Variants in COL5A2 observed in about 807,000 individuals in gnomAD.
COL5A2 encodes the protein collagen type V alpha 2 chain.
A neutral mutation model predicts 208.2 loss-of-function variants in COL5A2; 23 were observed. The observed-to-expected ratio is 0.11, with a 90% CI of 0.08 to 0.16. The LOEUF is 0.16. Among genes scored for constraint, COL5A2 ranks in the 10% least tolerant of loss-of-function variants. COL5A2 has a pLI of 1.00. For missense variants in COL5A2, 1,590 were observed against 1,956.4 expected (o/e 0.81, Z 3.53); for synonymous variants, 625 against 628.5 (o/e 0.99, Z 0.08).
Position 189,068,873 on chromosome 2 carries a change from A to T in COL5A2, c.1170T>A (p.Gly390=). 1 of 1,611,240 alleles carries T rather than the reference A, an allele frequency of 6.2e-7. No individual in the cohort carries two copies. Among genetic ancestry groups the T allele is most frequent in the Middle Eastern group, 1.8e-4 (1 of 5,646 alleles). ...PGNPGMKGEA[G]PTGARGPEGP... ...CTTCAGGGCCTCGCGCCCCTGTAGG[A>T]CCTGCTTCTCCCTAAAAGGGTGCAA... The change falls in exon 19 of 54, where the codon GGT becomes GGA. Residue 390 remains glycine (G), a synonymous_variant. Transcript: ENST00000374866.
chr2:189,373,588 T>G, the COL5A2 span, among the ~76,000 whole-genome samples: 10 of 152,336 alleles, frequency 6.6e-5, 1 homozygote, highest in East Asian at 1.9e-4. Flanking sequence ...TAAAGTCACT[T>G]TGTACCTTTT....
intron 8 of COL5A2, among the ~76,000 whole-genome samples, chr2:189,087,610 G>A (rs1407220553): frequency 1.3e-5 from 2 of 149,300 alleles, no homozygotes; most frequent in African/African-American, 4.9e-5. Flanking sequence ...CTGCCACCAT[G>A]CCCGGCTAAT....
the COL5A2 span, among the ~76,000 whole-genome samples, chr2:189,365,037 G>A: frequency 6.6e-6 from 1 of 152,074 alleles, no homozygotes; most frequent in Non-Finnish European, 1.5e-5. Context: ...AAGAATATAA[G>A]AAAAAATATA....
At chr2:189,157,541 T>C (rs1240567758) in intron 1 of COL5A2, among the ~76,000 whole-genome samples, 1 of 152,004 alleles carries the variant, frequency 6.6e-6, no homozygotes, top group Non-Finnish European at 1.5e-5. Flanking sequence ...TTCACTACTC[T>C]GCAAACCTGA....
At chr2:189,402,205 G>C in the COL5A2 span, among the ~76,000 whole-genome samples, 1 of 151,738 alleles carries the variant, frequency 6.6e-6, no homozygotes, top group Non-Finnish European at 1.5e-5. Flanking sequence ...TTAGGTTTTT[G>C]TTGTTGTCGT....
chr2:189,332,111 T>C, the COL5A2 span, among the ~76,000 whole-genome samples: 1 of 152,042 alleles, frequency 6.6e-6, no homozygotes, highest in African/African-American at 2.4e-5. Context: ...TAATAGTGTA[T>C]GTTACAATAA....
the COL5A2 span, among the ~76,000 whole-genome samples, chr2:189,270,364 G>A: frequency 2.0e-5 from 3 of 151,974 alleles, no homozygotes; most frequent in Non-Finnish European, 4.4e-5. Context: ...TTTCTCTTGT[G>A]GGCTATAAAT....
At chr2:189,375,476 G>A in the COL5A2 span, among the ~76,000 whole-genome samples, 12 of 152,254 alleles carry the variant, frequency 7.9e-5, no homozygotes, top group East Asian at 2.1e-3. Context: ...TCACAATGGG[G>A]ACAATGGCTG....
the COL5A2 span, among the ~76,000 whole-genome samples, chr2:189,232,775 T>C: frequency 6.6e-6 from 1 of 151,666 alleles, no homozygotes. Flanking sequence ...CTTTCTCCCA[T>C]GTAAAGACAC....
intron 1 of COL5A2, among the ~76,000 whole-genome samples, chr2:189,215,821 A>C (rs1689272266): frequency 6.6e-6 from 1 of 152,154 alleles, no homozygotes; most frequent in Non-Finnish European, 1.5e-5. Flanking sequence ...AAATTAAAAA[A>C]CTAGCTAAAG....
chr2:189,237,403 C>CA, the COL5A2 span, among the ~76,000 whole-genome samples: 86,143 of 148,716 alleles, frequency 0.58, 26,273 homozygotes, highest in East Asian at 0.72. Context: ...ACAATAACAG[C>CA]AAAAAAAAAG....
At chr2:189,178,787 A>G (rs1295372543) in intron 1 of COL5A2, among the ~76,000 whole-genome samples, 1 of 151,590 alleles carries the variant, frequency 6.6e-6, no homozygotes, top group Admixed American at 6.6e-5. Flanking sequence ...AGATATATAC[A>G]AGACATGCTG....
rs1291777565 is a variant in COL5A2 at position 189,048,089 on chromosome 2, T to G, written c.3201+120A>C. 3 of 862,226 alleles carry G rather than the reference T, an allele frequency of 3.5e-6. No individual in the cohort carries two copies. The East Asian group carries it at 7.9e-5, about 23-fold the overall frequency. The allele number at this position is 862,226 out of a possible 1,614,324, so 53.4% of individuals were successfully genotyped here. A position where few individuals can be genotyped will look rare whatever the true frequency, so the allele number is the denominator to read the frequency against. ...ATTATGGCTTTACAGAAACAGTTGTTATTCAGAAAAATCAGAAGTGTATTG... is the reference window on the plus strand; with the variant it reads ...ATTATGGCTTTACAGAAACAGTTGTGATTCAGAAAAATCAGAAGTGTATTG... On this transcript the variant is annotated intron_variant, in intron 45 of 53. Coordinates refer to ENST00000374866, the MANE Select transcript of COL5A2 (RefSeq NM_000393.5).
chr2:189,112,281 C>A (rs1022636709), intron 1 of COL5A2, among the ~76,000 whole-genome samples: 1 of 152,054 alleles, frequency 6.6e-6, no homozygotes, highest in African/African-American at 2.4e-5. Flanking sequence ...ACAGCATGAA[C>A]TTTGTACTTC....
the COL5A2 span, among the ~76,000 whole-genome samples, chr2:189,356,812 G>A: frequency 2.8e-4 from 43 of 152,122 alleles, no homozygotes; most frequent in African/African-American, 1.0e-3. Flanking sequence ...AGGAGAAGAG[G>A]CATTCTGGTT....
chr2:189,257,110 G>A, the COL5A2 span, among the ~76,000 whole-genome samples: 1 of 152,146 alleles, frequency 6.6e-6, no homozygotes, highest in Admixed American at 6.5e-5. Flanking sequence ...TAGAAGGAAA[G>A]TCTATATACA....
chr2:189,329,863 C>G, the COL5A2 span, among the ~76,000 whole-genome samples: 1 of 151,394 alleles, frequency 6.6e-6, no homozygotes, highest in Non-Finnish European at 1.5e-5. Context: ...GATTGTCACT[C>G]TCACTCTAAC....
intron 44 of COL5A2, 72 bp from the exon 45 acceptor site, chr2:189,048,334 A>G: frequency 2.9e-6 from 4 of 1,383,306 alleles, no homozygotes; most frequent in South Asian, 1.2e-5. Flanking sequence ...ATTGTCAAAA[A>G]ATGACAGCAT....
the COL5A2 span, among the ~76,000 whole-genome samples, chr2:189,362,541 A>G: frequency 3.9e-5 from 6 of 152,140 alleles, no homozygotes; most frequent in Admixed American, 6.5e-5. Flanking sequence ...AACTTGTCTT[A>G]GTGCAAAATG....
Sources: allele counts gnomAD v4.1 joint callset (sites outside exome capture counted in the v4.1 genomes callset), GRCh38; gene constraint gnomAD v4.1.1; transcripts MANE v1.5; gene names NCBI Gene and HGNC (gene_info 2026-07-23, HGNC 2026-07-21).